Variants in LAYN observed in about 807,000 individuals in gnomAD.
LAYN encodes layilin.
Under a neutral mutation model 43.6 loss-of-function variants are expected in LAYN, and 38 were observed. That is an observed-to-expected ratio of 0.87 (90% CI 0.67 to 1.14). The LOEUF is 1.14. Ranked by LOEUF, LAYN falls within the 50% of genes most tolerant of loss-of-function variation. The pLI is 0.00. For synonymous variants in LAYN, 168 were observed against 172.9 expected (o/e 0.97, Z 0.22); for missense variants, 479 against 463.8 (o/e 1.03, Z -0.30).
intron 1 of LAYN, chr11:111,541,263 A>G: frequency 1.7e-6 from 1 of 594,158 alleles, no homozygotes. Flanking sequence ...CCGCTCCTTT[A>G]CACGCATCGA....
At chr11:111,541,551 TGTCACTGCAGCCTCGGATTTGGACCTCA>T in intron 1 of LAYN, 1 of 1,536,338 alleles carries the variant, frequency 6.5e-7, no homozygotes, top group Non-Finnish European at 8.7e-7. Context: ...CCTCCTGTTG[TGTCACTGCAGCCTCGGATTTGGACCTCA>T]GAGGAGGTAA....
Position 111,561,341 on chromosome 11 carries a change from C to G in LAYN, c.*883C>G, listed in dbSNP as rs911364489. The G allele has an allele frequency of 3.9e-5, 6 of 152,226 alleles. No homozygotes were observed. The highest frequency in any genetic ancestry group is 1.4e-4 in the African/African-American group (6 of 41,452). 9.4% of individuals were successfully genotyped at this position (152,226 alleles called of 1,614,324 possible). A position where few individuals can be genotyped will look rare whatever the true frequency, so the allele number is the denominator to read the frequency against. ...CGCCACTGCTCTCCTGCGTGGGCAA[C>G]AGAATGAGACCCTGTCTCTAAACAA... On this transcript the variant is annotated 3_prime_UTR_variant, in exon 7 of 7. Coordinates refer to ENST00000375614, the MANE Select transcript of LAYN (RefSeq NM_178834.5).
intron 1 of LAYN, among the ~76,000 whole-genome samples, chr11:111,542,882 G>GA (rs1332276499): frequency 7.2e-5 from 11 of 152,372 alleles, no homozygotes; most frequent in African/African-American, 2.6e-4. Flanking sequence ...TTGATTGAAT[G>GA]AAAGGAGTGA....
chr11:111,541,585 G>A (rs1288402205), intron 1 of LAYN: 50 of 1,535,898 alleles, frequency 3.3e-5, no homozygotes, highest in Non-Finnish European at 4.3e-5. Context: ...CCTCAGAGGA[G>A]GTAAAGTGCT....
chr11:111,554,734 C>A, intron 4 of LAYN, 141 bp downstream of exon 4: 1 of 677,244 alleles, frequency 1.5e-6, no homozygotes, highest in Non-Finnish European at 2.5e-6. Context: ...GACAGGTATA[C>A]ACCACACCCA....
In LAYN at chr11:111,561,193, C is replaced by G. The variant is rs144362375; in HGVS notation, c.*735C>G. On this transcript the variant is annotated 3_prime_UTR_variant, in exon 7 of 7. Coordinates refer to ENST00000375614, the MANE Select transcript of LAYN (RefSeq NM_178834.5). ...TGGGCAAAATAGTGAGACTCTGACT[C>G]TACAAAAAATTTAAAAATTAGCAGG... The G allele has an allele frequency of 6.6e-6, 1 of 152,386 alleles. No individual in the cohort carries two copies. The highest frequency in any genetic ancestry group is 1.9e-4 in the East Asian group (1 of 5,180). 9.4% of individuals were successfully genotyped at this position (152,386 alleles called of 1,614,324 possible). A position where few individuals can be genotyped will look rare whatever the true frequency, so the allele number is the denominator to read the frequency against.
intron 4 of LAYN, 146 bp downstream of exon 4, chr11:111,554,739 C>G: frequency 1.5e-6 from 1 of 651,654 alleles, no homozygotes; most frequent in South Asian, 2.1e-5. Flanking sequence ...GTATACACCA[C>G]ACCCAGCCAT....
intron 3 of LAYN, among the ~76,000 whole-genome samples, chr11:111,553,244 A>AAAATAAAT (rs557098710): frequency 1.1e-3 from 160 of 151,798 alleles, no homozygotes; most frequent in African/African-American, 3.7e-3. Flanking sequence ...CTCCATCTCA[A>AAAATAAAT]AAATAAATAA....
chr11:111,544,247 G>T lies in LAYN; in HGVS notation c.383+27G>T. 3 of 1,587,252 alleles carry T rather than the reference G, an allele frequency of 1.9e-6. No individual in the cohort carries two copies. The South Asian group carries it at 3.5e-5, about 19-fold the overall frequency. ...TAAGTGTGTGGAACCCACAGCTGCT[G>T]ACTCACTTGACATAACTCAAAAAAG... On this transcript the variant is annotated intron_variant, in intron 2 of 6. Transcript: ENST00000375614.
chr11:111,551,380 C>G, intron 3 of LAYN: 1 of 456,296 alleles, frequency 2.2e-6, no homozygotes, highest in Non-Finnish European at 4.4e-6. Context: ...CCCATTGAAA[C>G]AGTTTATAGA....
In LAYN at chr11:111,555,846, G is replaced by A. The variant is rs1328850470; in HGVS notation, c.658+556G>A. The stretch of plus-strand genomic sequence containing the variant: ...AACCACTTTACTTCTCTGTGCTTCA[G>A]TTTAATTGTTTGCATAATGGAAGTA... On this transcript the variant is annotated intron_variant, in intron 5 of 6. Coordinates refer to ENST00000375614, the MANE Select transcript of LAYN (RefSeq NM_178834.5). 4.6e-5 allele frequency among the ~76,000 whole-genome samples: 7 copies of A among 152,312 alleles called. No individual in the cohort carries two copies. The East Asian group carries it at 1.3e-3, about 29-fold the overall frequency.
At chr11:111,554,660 G>A in intron 4 of LAYN, 67 bp downstream of exon 4, 2 of 1,359,940 alleles carry the variant, frequency 1.5e-6, no homozygotes, top group South Asian at 1.2e-5. Flanking sequence ...CAGGTTTAAA[G>A]CCCTATGTCC....
At chr11:111,543,859 CA>C in intron 1 of LAYN, 63 bp from the exon 2 acceptor site, 1 of 1,480,626 alleles carries the variant, frequency 6.8e-7, no homozygotes, top group Non-Finnish European at 9.1e-7. Context: ...TGGATGCCTC[CA>C]CGTATCCCTG....
intron 3 of LAYN, among the ~76,000 whole-genome samples, chr11:111,550,494 A>G (rs1468622357): frequency 6.6e-6 from 1 of 152,188 alleles, no homozygotes. Flanking sequence ...CTTAGCCCCA[A>G]TTCTGCATTC....
intron 2 of LAYN, among the ~76,000 whole-genome samples, chr11:111,548,246 T>A (rs1367835903): frequency 1.3e-5 from 2 of 152,182 alleles, no homozygotes; most frequent in African/African-American, 4.8e-5. Flanking sequence ...GAAATAGCCA[T>A]GGATCCCTTT....
Position 111,541,885 on chromosome 11 carries a change from C to A in LAYN, c.85+957C>A, listed in dbSNP as rs1260121731. 2.0e-5 allele frequency among the ~76,000 whole-genome samples: 3 copies of A among 152,138 alleles called. No individual in the cohort carries two copies. In the East Asian group the frequency reaches 5.8e-4, roughly 29 times the overall value. On this transcript the variant is annotated intron_variant, in intron 1 of 6. Coordinates refer to ENST00000375614, the MANE Select transcript of LAYN (RefSeq NM_178834.5). ...GGGAACAGAAGGCCCTCCCACCCTT[C>A]GCCTTCCTGCAAATGAGAAGAGAAG... is the stretch of plus-strand genomic sequence containing the variant.
Position 111,544,163 on chromosome 11 carries a change from A to G in LAYN, c.326A>G (p.Asn109Ser), listed in dbSNP as rs767526657. Residue 109 changes from asparagine (N) to serine (S), a missense_variant, in exon 2 of 7, where the codon AAT becomes AGT. By Grantham distance (46) the Asn-to-Ser change is conservative. Coordinates refer to ENST00000375614, the MANE Select transcript of LAYN (RefSeq NM_178834.5). ...GLRRREEKQS[N>S]STACQDLYAW... ...AGGAGGCGTGAGGAGAAACAAAGCAATAGCACAGCCTGCCAGGACCTTTAT... is the reference window on the plus strand; with the variant it reads ...AGGAGGCGTGAGGAGAAACAAAGCAGTAGCACAGCCTGCCAGGACCTTTAT... 6.2e-7 allele frequency: 1 copy of G among 1,614,178 alleles called. No homozygotes were observed.
At chr11:111,543,292 T>C (rs1432494020) in intron 1 of LAYN, among the ~76,000 whole-genome samples, 1 of 152,230 alleles carries the variant, frequency 6.6e-6, no homozygotes, top group African/African-American at 2.4e-5. Flanking sequence ...AGATAAAGTA[T>C]GTAAGTAAAT....
intron 1 of LAYN, among the ~76,000 whole-genome samples, chr11:111,542,741 G>A (rs1458852364): frequency 3.3e-5 from 5 of 152,186 alleles, no homozygotes; most frequent in African/African-American, 1.2e-4. Context: ...GTGTTGATAC[G>A]TGGTTTTCAC....
Sources: allele counts gnomAD v4.1 joint callset (sites outside exome capture counted in the v4.1 genomes callset), GRCh38; gene constraint gnomAD v4.1.1; transcripts MANE v1.5; gene names NCBI Gene and HGNC (gene_info 2026-07-23, HGNC 2026-07-21).